Variants in GNAI1 observed in about 807,000 individuals in gnomAD.
GNAI1 encodes the protein G protein subunit alpha i1, also known as guanine nucleotide-binding protein G(i) subunit alpha-1.
Under a neutral mutation model 38.9 loss-of-function variants are expected in GNAI1, and 11 were observed. That is an observed-to-expected ratio of 0.28 (90% CI 0.18 to 0.47). The LOEUF (loss-of-function observed/expected upper bound fraction) is 0.47. Ranked by LOEUF, GNAI1 falls within the 20% of genes least tolerant of loss-of-function variation. The pLI, the probability that GNAI1 is intolerant of heterozygous loss-of-function variation, is 0.99. For synonymous variants in GNAI1, 166 were observed against 145.1 expected (o/e 1.14, Z -1.04); for missense variants, 317 against 436.9 (o/e 0.73, Z 2.45).
chr7:80,167,756 T>G (rs1788036498), intron 1 of GNAI1, among the ~76,000 whole-genome samples: 1 of 152,302 alleles, frequency 6.6e-6, no homozygotes, highest in South Asian at 2.1e-4. Flanking sequence ...GCAGAAATGG[T>G]GTTCAACTTT....
At chr7:80,213,327 C>G (rs1240573924) in intron 7 of GNAI1, among the ~76,000 whole-genome samples, 1 of 152,060 alleles carries the variant, frequency 6.6e-6, no homozygotes, top group African/African-American at 2.4e-5. Context: ...CTAACTCTTC[C>G]AGAAGGGCAG....
chr7:80,146,284 C>T (rs1230323746), intron 1 of GNAI1, among the ~76,000 whole-genome samples: 1 of 152,162 alleles, frequency 6.6e-6, no homozygotes. Flanking sequence ...AGCTTGCAGG[C>T]TCTGCCATGG....
Position 80,225,020 on chromosome 7 carries a change from A to G in GNAI1, c.*7527A>G, listed in dbSNP as rs1789135900. Among the ~76,000 whole-genome samples the G allele has an allele frequency of 6.7e-6, 1 of 149,466 alleles. No individual in the cohort carries two copies. Among genetic ancestry groups the G allele is most frequent in the Non-Finnish European group, 1.5e-5 (1 of 67,236 alleles). ...ATGGAAATGTTCCCAAGTTTTAGAG[A>G]AACACATACAAAAACTAAAAAGGAT... is the stretch of plus-strand genomic sequence containing the variant. On this transcript the variant is annotated 3_prime_UTR_variant, in exon 8 of 8. Transcript: ENST00000649796.
chr7:80,173,215 C>T (rs997902806), intron 1 of GNAI1, among the ~76,000 whole-genome samples: 1 of 152,164 alleles, frequency 6.6e-6, no homozygotes, highest in Non-Finnish European at 1.5e-5. Context: ...AGATATCTTA[C>T]ATCTGAGGTG....
intron 1 of GNAI1, among the ~76,000 whole-genome samples, chr7:80,168,546 C>T (rs944361564): frequency 3.3e-5 from 5 of 152,136 alleles, no homozygotes; most frequent in African/African-American, 1.2e-4. Context: ...CGCCACCACG[C>T]CCGGCTAATT....
rs959337879 is a variant in GNAI1, at chr7:80,225,014, T to C, written c.*7521T>C. Among the ~76,000 whole-genome samples the C allele has an allele frequency of 6.7e-6, 1 of 149,544 alleles. No homozygotes were observed. Among genetic ancestry groups the C allele is most frequent in the Non-Finnish European group, 1.5e-5 (1 of 67,248 alleles). On this transcript the variant is annotated 3_prime_UTR_variant, in exon 8 of 8. Coordinates refer to ENST00000649796, the MANE Select transcript of GNAI1 (RefSeq NM_002069.6). ...CATTGCATGGAAATGTTCCCAAGTT[T>C]TAGAGAAACACATACAAAAACTAAA...
chr7:80,185,445 C>T (rs1234211537), intron 1 of GNAI1, among the ~76,000 whole-genome samples: 2 of 152,030 alleles, frequency 1.3e-5, no homozygotes, highest in African/African-American at 2.4e-5. Context: ...GTTTAAAGAC[C>T]CTCACAGAAG....
At position 80,160,968 on chromosome 7, in the gene GNAI1, C is replaced by G. The variant is rs145548475; in HGVS notation, c.118+25690C>G. Among the ~76,000 whole-genome samples the G allele has an allele frequency of 1.8e-3, 279 of 152,200 alleles. 3 individuals carry two copies. Among genetic ancestry groups the G allele is most frequent in the African/African-American group, 6.4e-3 (267 of 41,536 alleles). On this transcript the variant is annotated intron_variant, in intron 1 of 7. Transcript: ENST00000649796. ...AAATTTCCACAAACCAAGTGGCTCC[C>G]TAGTTAATCACATCTAAGAAGTGCC...
At chr7:80,147,945 CT>C (rs1401915734) in intron 1 of GNAI1, among the ~76,000 whole-genome samples, 1 of 152,088 alleles carries the variant, frequency 6.6e-6, no homozygotes, top group East Asian at 1.9e-4. Context: ...GAATGGAAGT[CT>C]TTGGGAAGCT....
intron 4 of GNAI1, among the ~76,000 whole-genome samples, chr7:80,201,822 G>A (rs569499245): frequency 2.3e-4 from 35 of 152,082 alleles, no homozygotes; most frequent in African/African-American, 7.7e-4. Flanking sequence ...GCACTAATGC[G>A]GCTGCTTTTT....
chr7:80,136,076 C>A, intron 1 of GNAI1: 1 of 980,770 alleles, frequency 1.0e-6, no homozygotes, highest in Non-Finnish European at 1.2e-6. Context: ...TTGCCAGGTA[C>A]ACGCAAGGCT....
chr7:80,182,121 A>G (rs1304092566), intron 1 of GNAI1, among the ~76,000 whole-genome samples: 2 of 152,108 alleles, frequency 1.3e-5, no homozygotes, highest in African/African-American at 2.4e-5. Context: ...TACATGTACT[A>G]TACAAGTTAG....
intron 1 of GNAI1, among the ~76,000 whole-genome samples, chr7:80,141,807 A>T (rs1424506258): frequency 6.6e-6 from 1 of 152,200 alleles, no homozygotes; most frequent in Non-Finnish European, 1.5e-5. Context: ...AAATCTCTTC[A>T]TCTTAATGTC....
At chr7:80,202,208 G>C (rs1170291418) in intron 4 of GNAI1, among the ~76,000 whole-genome samples, 1 of 152,132 alleles carries the variant, frequency 6.6e-6, no homozygotes, top group East Asian at 1.9e-4. Context: ...TCCTGCCTCA[G>C]CCTCCCCAAT....
At chr7:80,189,065 T>C (rs761664736) in intron 2 of GNAI1, 25 bp from the exon 3 acceptor site, 4 of 1,597,892 alleles carry the variant, frequency 2.5e-6, no homozygotes, top group African/African-American at 1.3e-5. Flanking sequence ...TAAATAATTC[T>C]TTTTTTTCCC....
intron 3 of GNAI1, among the ~76,000 whole-genome samples, chr7:80,195,466 T>C (rs1177117077): frequency 6.6e-6 from 1 of 151,974 alleles, no homozygotes; most frequent in Non-Finnish European, 1.5e-5. Context: ...TACATGTATG[T>C]ATTCCTTAAA....
chr7:80,206,547 G>A (rs1788780386), intron 5 of GNAI1, among the ~76,000 whole-genome samples: 1 of 151,898 alleles, frequency 6.6e-6, no homozygotes, highest in Non-Finnish European at 1.5e-5. Flanking sequence ...TGATTTTAAT[G>A]ACAAGGAAGT....
intron 6 of GNAI1, 114 bp from the exon 7 acceptor site, chr7:80,212,602 T>G: frequency 1.7e-6 from 1 of 573,756 alleles, no homozygotes; most frequent in Non-Finnish European, 3.0e-6. Context: ...ATTTTTGTGA[T>G]ACGTATTTTT....
In GNAI1 at chr7:80,156,338, T is replaced by G. The variant is rs77260007; in HGVS notation, c.118+21060T>G. Among the ~76,000 whole-genome samples the G allele has an allele frequency of 3.2e-3, 495 of 152,320 alleles. 5 individuals carry two copies. Among genetic ancestry groups the G allele is most frequent in the African/African-American group, 0.011 (478 of 41,582 alleles). ...TCTGGATGTAGCAGTGAATAAGAGA[T>G]TTAAGATTTCCTTTTGCAAGGTGAA... On this transcript the variant is annotated intron_variant, in intron 1 of 7. Transcript: ENST00000649796.
Sources: allele counts gnomAD v4.1 joint callset (sites outside exome capture counted in the v4.1 genomes callset), GRCh38; gene constraint gnomAD v4.1.1; transcripts MANE v1.5; gene names NCBI Gene and HGNC (gene_info 2026-07-23, HGNC 2026-07-21).